Variants in CACNA1H observed in about 807,000 individuals in gnomAD.
CACNA1H encodes the protein voltage-dependent T-type calcium channel subunit alpha-1H.
A neutral mutation model predicts 192.5 loss-of-function variants in CACNA1H; 149 were observed. The observed-to-expected ratio is 0.77, with a 90% confidence interval of 0.68 to 0.89. The LOEUF (loss-of-function observed/expected upper bound fraction) is 0.89. CACNA1H is among the 40% of genes least tolerant of loss of function. The pLI, the probability that CACNA1H is intolerant of heterozygous loss-of-function variation, is 0.00. For synonymous variants in CACNA1H, 2,202 were observed against 1,475.2 expected, an observed-to-expected ratio of 1.49 and a Z score of -11.29; for missense variants, 4,257 against 3,423.5, an observed-to-expected ratio of 1.24 and a Z score of -6.08.
chr16:1,155,424 C>T (rs1368542105), intron 2 of CACNA1H, among the ~76,000 whole-genome samples: 2 of 152,164 alleles, frequency 1.3e-5, no homozygotes, highest in Non-Finnish European at 2.9e-5. Context: ...GGTGGTCATG[C>T]CCCTTTGTTC....
Position 1,210,794 on chromosome 16 carries a change from C to T in CACNA1H, c.4046C>T (p.Ala1349Val), listed in dbSNP as rs1384655191. 5.6e-6 allele frequency: 9 copies of T among 1,600,838 alleles called. No individual in the cohort carries two copies. Among genetic ancestry groups the T allele is most frequent in the Non-Finnish European group, 6.8e-6 (8 of 1,179,664 alleles). The change falls in exon 21 of 35, where the codon GCC becomes GTC. Residue 1349 changes from alanine to valine, a missense_variant. Ala to Val is a moderately conservative substitution (Grantham distance 64). Transcript: ENST00000348261. ...FVAEMMVKVVALGLLSGEHAY... is the reference protein window; with the variant it reads ...FVAEMMVKVVVLGLLSGEHAY... ...GCCATTGGCCCTCCGCAGGTGGTGGCCCTGGGGCTGCTGTCCGGCGAGCAC... is the reference window on the plus strand; with the variant it reads ...GCCATTGGCCCTCCGCAGGTGGTGGTCCTGGGGCTGCTGTCCGGCGAGCAC...
Position 1,202,124 on chromosome 16 carries a change from G to A in CACNA1H, c.1674G>A (p.Ser558=), listed in dbSNP as rs777311819. ...TGGTCCGAGCTGGCGCGCCCCCCTC[G>A]CCACCTTCCCCAGGCCGCGGACCCC... The part of the protein sequence containing the change: ...TRLVRAGAPP[S]PPSPGRGPPD... Residue 558 remains serine, a synonymous_variant, in exon 9 of 35, where the codon TCG becomes TCA. Coordinates refer to ENST00000348261, the MANE Select transcript of CACNA1H (RefSeq NM_021098.3). 237 of 1,547,238 alleles carry A rather than the reference G, an allele frequency of 1.5e-4. No individual in the cohort carries two copies. The highest frequency in any genetic ancestry group is 1.0e-3 in the South Asian group (88 of 83,994).
At chr16:1,173,911 G>C (rs1261149041) in intron 2 of CACNA1H, among the ~76,000 whole-genome samples, 1 of 150,928 alleles carries the variant, frequency 6.6e-6, no homozygotes, top group African/African-American at 2.5e-5. Flanking sequence ...TGCACACAGT[G>C]GGGCCTCACA....
At position 1,220,705 on chromosome 16, in the gene CACNA1H, C is replaced by A; in HGVS notation, c.6773C>A (p.Ala2258Asp). 2 of 1,611,868 alleles carry A rather than the reference C, an allele frequency of 1.2e-6. No individual in the cohort carries two copies. The highest frequency in any genetic ancestry group is 1.7e-6 in the Non-Finnish European group (2 of 1,179,544). ...CGCTGGGGCCAGGCCTCCTGCCGGG[C>A]TGAGCACCTGACCGTCCCCAGCTTT... ...GERWGQASCR[A>D]EHLTVPSFAF... The change falls in exon 35 of 35, where the codon GCT becomes GAT. Residue 2258 changes from alanine to aspartate, a missense_variant. Transcript: ENST00000348261.
intron 9 of CACNA1H, among the ~76,000 whole-genome samples, chr16:1,202,919 G>C (rs540167990): frequency 6.6e-6 from 1 of 152,092 alleles, no homozygotes; most frequent in East Asian, 1.9e-4. Context: ...CGAGAGTCAG[G>C]AAGAGAGGCT....
At position 1,200,736 on chromosome 16, in the gene CACNA1H, G is replaced by T; in HGVS notation, c.1140G>T (p.Trp380Cys). ...AIFQVITLEG[W>C]VDIMYYVMDA... ...CCCAGGTGATCACGCTGGAAGGCTGGGTGGACATCATGTACTACGTCATGG... is the reference window on the plus strand; with the variant it reads ...CCCAGGTGATCACGCTGGAAGGCTGTGTGGACATCATGTACTACGTCATGG... The change falls in exon 8 of 35, where the codon TGG becomes TGT. Residue 380 changes from tryptophan to cysteine, a missense_variant. By Grantham distance (215) the Trp-to-Cys change is radical (BLOSUM62 -2). Coordinates refer to ENST00000348261, the MANE Select transcript of CACNA1H (RefSeq NM_021098.3). 1 of 1,561,690 alleles carries T rather than the reference G, an allele frequency of 6.4e-7. No individual in the cohort carries two copies. Among genetic ancestry groups the T allele is most frequent in the Non-Finnish European group, 8.7e-7 (1 of 1,152,996 alleles).
At position 1,202,210 on chromosome 16, in the gene CACNA1H, A is replaced by C; in HGVS notation, c.1760A>C (p.Glu587Ala). 6.4e-7 allele frequency: 1 copy of C among 1,553,588 alleles called. No individual in the cohort carries two copies. Among genetic ancestry groups the C allele is most frequent in the East Asian group, 2.4e-5 (1 of 41,014 alleles). The change falls in exon 9 of 35, where the codon GAG becomes GCG. Residue 587 changes from glutamate to alanine, a missense_variant. Physicochemically the swap from Glu to Ala is moderately radical, Grantham distance 107 (BLOSUM62 -1). Transcript: ENST00000348261. ...GACTGCCACATAGAGGGGCCGCAGGAGAGGGCCCGGGTGGCACATGCCGCA... is the reference window on the plus strand; with the variant it reads ...GACTGCCACATAGAGGGGCCGCAGGCGAGGGCCCGGGTGGCACATGCCGCA... ...HADCHIEGPQ[E>A]RARVAHAAAT...
Position 1,195,943 on chromosome 16 carries a change from T to G in CACNA1H, c.563T>G (p.Leu188Trp). 6.2e-7 allele frequency: 1 copy of G among 1,613,092 alleles called. No individual in the cohort carries two copies. Among genetic ancestry groups the G allele is most frequent in the Non-Finnish European group, 8.5e-7 (1 of 1,179,808 alleles). The change falls in exon 5 of 35, where the codon TTG (leucine) becomes TGG (tryptophan). Residue 188 changes from leucine (L) to tryptophan (W), a missense_variant. Coordinates refer to ENST00000348261, the MANE Select transcript of CACNA1H (RefSeq NM_021098.3). The stretch of plus-strand genomic sequence containing the variant: ...GCCCCCAGCATGATGGAGTACTCGT[T>G]GGACGGACACAACGTGAGCCTCTCG... Reference protein sequence around the residue: ...IVVAGMMEYSLDGHNVSLSAI... With the variant: ...IVVAGMMEYSWDGHNVSLSAI...
chr16:1,202,237 C>T lies in CACNA1H; in HGVS notation c.1787C>T (p.Ala596Val), dbSNP rs1968032538. ...AGGGCCCGGGTGGCACATGCCGCAG[C>T]CACTGCCGCTGCCAGCCTCAGACTG... ...QERARVAHAA[A>V]TAAASLRLAT... Residue 596 changes from alanine to valine, a missense_variant, in exon 9 of 35, where the codon GCC (alanine) becomes GTC (valine). Coordinates refer to ENST00000348261, the MANE Select transcript of CACNA1H (RefSeq NM_021098.3). The T allele has an allele frequency of 2.6e-6, 4 of 1,559,692 alleles. No homozygotes were observed. Among genetic ancestry groups the T allele is most frequent in the Admixed American group, 1.9e-5 (1 of 52,172 alleles).
chr16:1,154,033 A>C lies in CACNA1H; in HGVS notation c.296A>C (p.Asn99Thr). 1.9e-6 allele frequency: 2 copies of C among 1,063,500 alleles called. No individual in the cohort carries two copies. Among genetic ancestry groups the C allele is most frequent in the Non-Finnish European group, 2.3e-6 (2 of 876,130 alleles). The allele number at this position is 1,063,500 out of a possible 1,614,324, so 65.9% of individuals were successfully genotyped here. The change falls in exon 2 of 35, where the codon AAC becomes ACC. Residue 99 changes from asparagine to threonine, a missense_variant. By Grantham distance (65) the Asn-to-Thr change is moderately conservative. Transcript: ENST00000348261. ...AGCTGGTGCCTCCGGCTGGTCTGCA[A>C]CCCATATCCTTCCCGGCCGGCGGGG... The part of the protein sequence containing the change: ...PRSWCLRLVC[N>T]PWFEHVSMLV...
At chr16:1,175,641 TG>T (rs1350537135) in intron 2 of CACNA1H, among the ~76,000 whole-genome samples, 1 of 152,216 alleles carries the variant, frequency 6.6e-6, no homozygotes, top group African/African-American at 2.4e-5. Context: ...TCCGAGAATC[TG>T]AAGCGGTCCC....
rs1596401235 is a variant in CACNA1H, at chr16:1,200,183, A to G, written c.804-73A>G. 3 of 1,265,246 alleles carry G rather than the reference A, an allele frequency of 2.4e-6. 1 individual carries two copies. Among genetic ancestry groups the G allele is most frequent in the South Asian group, 2.8e-5 (2 of 71,818 alleles). 78.4% of individuals were successfully genotyped at this position (1,265,246 alleles called of 1,614,324 possible). A position where few individuals can be genotyped will look rare whatever the true frequency, so the allele number is the denominator to read the frequency against. On this transcript the variant is annotated intron_variant, in intron 6 of 34. Transcript: ENST00000348261. Reference sequence around the variant, plus strand: ...CCTGACCTTGATCACGTCCCTGATCACAATCGTGCCCCCGACTCTGACCGT... The same window carrying G: ...CCTGACCTTGATCACGTCCCTGATCGCAATCGTGCCCCCGACTCTGACCGT...
intron 2 of CACNA1H, among the ~76,000 whole-genome samples, chr16:1,158,582 A>G (rs1962749076): frequency 6.6e-6 from 1 of 152,070 alleles, no homozygotes; most frequent in South Asian, 2.1e-4. Context: ...GGCTGAGCTC[A>G]CCCTCCGGGT....
chr16:1,170,724 G>A (rs2151704502), intron 2 of CACNA1H, among the ~76,000 whole-genome samples: 1 of 152,260 alleles, frequency 6.6e-6, no homozygotes, highest in Admixed American at 6.5e-5. Context: ...AGCTGGGCTG[G>A]GTTGGGCCCC....
intron 12 of CACNA1H, 199 bp from the exon 13 acceptor site, chr16:1,206,802 C>T (rs1968772167): frequency 5.3e-6 from 3 of 569,158 alleles, no homozygotes; most frequent in East Asian, 2.9e-5. Context: ...GTGGAATGGA[C>T]ACTACTGAGT....
intron 2 of CACNA1H, among the ~76,000 whole-genome samples, chr16:1,169,862 G>A (rs1291594385): frequency 6.6e-6 from 1 of 152,266 alleles, no homozygotes; most frequent in Admixed American, 6.5e-5. Flanking sequence ...CCGGACATGG[G>A]CGTGTGCGAC....
In CACNA1H at chr16:1,210,570, C is replaced by T. The variant is rs550530096; in HGVS notation, c.3970-13C>T. On this transcript the variant is annotated splice_polypyrimidine_tract_variant and intron_variant, in intron 19 of 34. Transcript: ENST00000348261. ...TGGAGTGGACACAGCCCCCCACCGT[C>T]CTCTCCCGGCAGGAGCGGGTCTTCC... The T allele has an allele frequency of 1.2e-6, 2 of 1,609,846 alleles. No homozygotes were observed. Among genetic ancestry groups the T allele is most frequent in the East Asian group, 4.5e-5 (2 of 44,880 alleles).
At chr16:1,169,958 C>T (rs1022079318) in intron 2 of CACNA1H, among the ~76,000 whole-genome samples, 1 of 152,220 alleles carries the variant, frequency 6.6e-6, no homozygotes, top group African/African-American at 2.4e-5. Context: ...ATATGGCCTG[C>T]CCACGGGTCG....
chr16:1,179,418 C>T lies in CACNA1H; in HGVS notation c.300-15554C>T, dbSNP rs540371963. ...TGGGGAGGTGGGAGAGCCGACCGAG[C>T]CGCTGCTGAGTGGCTGTTCCGTCCT... On this transcript the variant is annotated intron_variant, in intron 2 of 34. Coordinates refer to ENST00000348261, the MANE Select transcript of CACNA1H (RefSeq NM_021098.3). Among the ~76,000 whole-genome samples, 257 of 152,262 alleles carry T rather than the reference C, an allele frequency of 1.7e-3. 1 individual carries two copies. The highest frequency in any genetic ancestry group is 6.0e-3 in the African/African-American group (251 of 41,550).
Sources: gnomAD v4.1 joint callset for allele counts (sites outside exome capture counted in the v4.1 genomes callset) on GRCh38, gnomAD v4.1.1 for gene constraint, MANE v1.5 for transcripts, NCBI Gene and HGNC (gene_info 2026-07-23, HGNC 2026-07-21) for gene names.